Variants in ZBTB7C observed in about 807,000 individuals in gnomAD.
ZBTB7C encodes zinc finger and BTB domain containing 7C.
In ZBTB7C, 8 loss-of-function variants were observed where a neutral mutation model predicts 25.7. That is an observed-to-expected ratio of 0.31 (90% CI 0.18 to 0.56). The LOEUF (loss-of-function observed/expected upper bound fraction) is 0.56, where lower values mean the gene tolerates loss of function less well. Among genes scored for constraint, ZBTB7C ranks in the 20% least tolerant of loss-of-function variants. The pLI is 0.91. For missense variants in ZBTB7C, 824 were observed against 855.2 expected (o/e 0.96, Z 0.46); for synonymous variants, 394 against 369.0 (o/e 1.07, Z -0.78).
intron 2 of ZBTB7C, among the ~76,000 whole-genome samples, chr18:48,216,533 A>C (rs1229562960): frequency 2.0e-5 from 3 of 152,134 alleles, no homozygotes; most frequent in African/African-American, 7.2e-5. Flanking sequence ...CTGGGGGGCG[A>C]AGGTGGCATA....
intron 2 of ZBTB7C, among the ~76,000 whole-genome samples, chr18:48,330,858 T>C (rs1277974191): frequency 6.6e-6 from 1 of 152,096 alleles, no homozygotes; most frequent in Admixed American, 6.5e-5. Context: ...CAAAGTCAGA[T>C]AGCATTGAAA....
At chr18:48,383,585 A>T (rs2047680499) in intron 1 of ZBTB7C, among the ~76,000 whole-genome samples, 1 of 152,154 alleles carries the variant, frequency 6.6e-6, no homozygotes, top group East Asian at 1.9e-4. Flanking sequence ...ATCTTTTTCA[A>T]ACTGATGGGG....
intron 2 of ZBTB7C, among the ~76,000 whole-genome samples, chr18:48,336,200 A>G (rs1427933137): frequency 6.6e-6 from 1 of 152,040 alleles, no homozygotes; most frequent in Non-Finnish European, 1.5e-5. Flanking sequence ...CTAAAACCAC[A>G]TTTTCTGTGG....
intron 2 of ZBTB7C, among the ~76,000 whole-genome samples, chr18:48,194,753 A>G (rs1218398344): frequency 2.0e-5 from 3 of 152,096 alleles, no homozygotes; most frequent in Admixed American, 6.6e-5. Flanking sequence ...GCAGCTGAGG[A>G]ACCCCAAATG....
chr18:48,142,946 G>A (rs770332523), intron 3 of ZBTB7C, among the ~76,000 whole-genome samples: 4 of 147,076 alleles, frequency 2.7e-5, no homozygotes, highest in Non-Finnish European at 4.4e-5. Context: ...ACCACTCCAG[G>A]CTTTGGCTAT....
intron 3 of ZBTB7C, among the ~76,000 whole-genome samples, chr18:48,134,778 C>G (rs2040095764): frequency 6.6e-6 from 1 of 152,260 alleles, no homozygotes; most frequent in African/African-American, 2.4e-5. Flanking sequence ...TGGGCCTCTT[C>G]TTGTCATCTC....
chr18:48,321,416 TG>T (rs2046089668), intron 2 of ZBTB7C, among the ~76,000 whole-genome samples: 1 of 152,194 alleles, frequency 6.6e-6, no homozygotes, highest in African/African-American at 2.4e-5. Flanking sequence ...CCTCACATGA[TG>T]GGCTGGAAAC....
intron 2 of ZBTB7C, among the ~76,000 whole-genome samples, chr18:48,336,246 G>A (rs1276263173): frequency 2.6e-5 from 4 of 152,184 alleles, no homozygotes; most frequent in African/African-American, 7.2e-5. Context: ...TCAAAGCCCA[G>A]GCCCCCAACC....
chr18:48,336,725 C>T (rs1005895727), intron 2 of ZBTB7C, among the ~76,000 whole-genome samples: 4 of 152,112 alleles, frequency 2.6e-5, no homozygotes, highest in African/African-American at 7.2e-5. Context: ...ACTTGAAAGT[C>T]CTCACCCACC....
intron 3 of ZBTB7C, among the ~76,000 whole-genome samples, chr18:48,101,775 A>G (rs2038839237): frequency 6.6e-6 from 1 of 152,212 alleles, no homozygotes; most frequent in African/African-American, 2.4e-5. Context: ...TGGAGGTCTA[A>G]CCATCTGGTC....
chr18:48,275,473 C>A lies in ZBTB7C; in HGVS notation c.-79+62701G>T, dbSNP rs116776125. On this transcript the variant is annotated intron_variant, in intron 2 of 4. Transcript: ENST00000590800. Reference sequence around the variant, plus strand: ...TTTACTCCCAATGCCCAGTACAGTGCCCGGCCCAGAGTCTGATAGATTGAA... The same window carrying A: ...TTTACTCCCAATGCCCAGTACAGTGACCGGCCCAGAGTCTGATAGATTGAA... Among the ~76,000 whole-genome samples the A allele has an allele frequency of 2.3e-3, 350 of 152,250 alleles. 3 individuals are homozygous for A. The highest frequency in any genetic ancestry group is 8.1e-3 in the African/African-American group (335 of 41,532).
chr18:48,401,213 C>A (rs887299509), intron 1 of ZBTB7C, among the ~76,000 whole-genome samples: 3 of 152,136 alleles, frequency 2.0e-5, no homozygotes, highest in Non-Finnish European at 4.4e-5. Context: ...AGAAGCAAGA[C>A]AACAAAGCCT....
intron 3 of ZBTB7C, among the ~76,000 whole-genome samples, chr18:48,166,929 TCA>T (rs1327586494): frequency 6.6e-6 from 1 of 151,840 alleles, no homozygotes; most frequent in Non-Finnish European, 1.5e-5. Context: ...GTTTCCCCAC[TCA>T]CAGCCCCCAG....
chr18:48,084,342 C>T (rs184375215), intron 3 of ZBTB7C, among the ~76,000 whole-genome samples: 2 of 152,338 alleles, frequency 1.3e-5, no homozygotes, highest in African/African-American at 4.8e-5. Context: ...GCTTAGGTCT[C>T]TTCGCCCTGT....
chr18:48,245,138 C>G (rs1400741847), intron 2 of ZBTB7C, among the ~76,000 whole-genome samples: 1 of 131,758 alleles, frequency 7.6e-6, no homozygotes, highest in Non-Finnish European at 1.6e-5. Context: ...GAATACTATT[C>G]AGCCAAAAAA....
At chr18:48,337,008 T>C (rs551709660) in intron 2 of ZBTB7C, among the ~76,000 whole-genome samples, 1 of 152,044 alleles carries the variant, frequency 6.6e-6, no homozygotes, top group South Asian at 2.1e-4. Context: ...TAGACAGGAG[T>C]CCAGTTCCGA....
At chr18:48,143,316 G>A (rs1345517849) in intron 3 of ZBTB7C, among the ~76,000 whole-genome samples, 2 of 152,126 alleles carry the variant, frequency 1.3e-5, no homozygotes, top group African/African-American at 4.8e-5. Flanking sequence ...AGGGTCACCG[G>A]CACTTACCTC....
At chr18:48,099,352 C>T (rs1369610502) in intron 3 of ZBTB7C, among the ~76,000 whole-genome samples, 1 of 152,198 alleles carries the variant, frequency 6.6e-6, no homozygotes. Context: ...CAATGTCTGG[C>T]ACAGAAAAGA....
chr18:48,350,138 C>A (rs59089231), intron 1 of ZBTB7C, among the ~76,000 whole-genome samples: 3,166 of 152,294 alleles, frequency 0.021, 106 homozygotes, highest in African/African-American at 0.073. Context: ...AATGGCCACA[C>A]CCTTAGTGGT....
Sources: gnomAD v4.1 joint callset for allele counts (sites outside exome capture counted in the v4.1 genomes callset) on GRCh38, gnomAD v4.1.1 for gene constraint, MANE v1.5 for transcripts, NCBI Gene and HGNC (gene_info 2026-07-23, HGNC 2026-07-21) for gene names.